The following VPS26C variants were observed in gnomAD, a reference collection of about 807,000 sequenced individuals.
VPS26C encodes vacuolar protein sorting-associated protein 26C.
Under a neutral mutation model 30.6 loss-of-function variants are expected in VPS26C, and 19 were observed. The observed-to-expected ratio is 0.62, with a 90% confidence interval of 0.43 to 0.91. The LOEUF is 0.91. Ranked by LOEUF, VPS26C falls within the 40% of genes least tolerant of loss-of-function variation. VPS26C has a pLI of 0.00. For synonymous variants in VPS26C, 132 were observed against 151.5 expected, an observed-to-expected ratio of 0.87 and a Z score of 0.95; for missense variants, 318 against 385.1, an observed-to-expected ratio of 0.83 and a Z score of 1.46.
chr21:37,237,960 A>G (rs940403574), intron 3 of VPS26C, among the ~76,000 whole-genome samples: 2 of 152,220 alleles, frequency 1.3e-5, no homozygotes, highest in South Asian at 2.1e-4. Context: ...TGAGACAACA[A>G]CAGCAGACTG....
At chr21:37,232,490 C>A in intron 4 of VPS26C, 39 bp from the exon 5 acceptor site, 1 of 1,536,312 alleles carries the variant, frequency 6.5e-7, no homozygotes. Context: ...TAGGTGAAGG[C>A]CAAGAGTTCT....
At chr21:37,243,183 G>T (rs2086104640) in intron 1 of VPS26C, among the ~76,000 whole-genome samples, 1 of 152,142 alleles carries the variant, frequency 6.6e-6, no homozygotes, top group Admixed American at 6.5e-5. Context: ...TTCTCCCTCA[G>T]ATTTTCGTCT....
chr21:37,227,877 C>T, intron 6 of VPS26C, 71 bp from the exon 7 acceptor site: 1 of 1,579,606 alleles, frequency 6.3e-7, no homozygotes. Context: ...GCACCGGCAC[C>T]ACCCACCAGT....
At chr21:37,250,664 G>C (rs1395736339) in intron 1 of VPS26C, among the ~76,000 whole-genome samples, 1 of 152,048 alleles carries the variant, frequency 6.6e-6, no homozygotes, top group African/African-American at 2.4e-5. Flanking sequence ...CACTTTGGGA[G>C]GCCGAGGTGG....
At chr21:37,247,709 C>T (rs2086151164) in intron 1 of VPS26C, among the ~76,000 whole-genome samples, 1 of 151,976 alleles carries the variant, frequency 6.6e-6, no homozygotes, top group Admixed American at 6.6e-5. Context: ...CAGAGAAGCA[C>T]CTAAAATGGC....
chr21:37,255,504 A>C (rs1204646346), intron 1 of VPS26C, among the ~76,000 whole-genome samples: 2 of 152,208 alleles, frequency 1.3e-5, no homozygotes, highest in African/African-American at 2.4e-5. Context: ...GAGCACACAC[A>C]GCAGGTGTAA....
rs530849707 is a variant in VPS26C at position 37,227,872 on chromosome 21, G to A, written c.659-66C>T. ...AGGCTGCGGGGTCCACATCCGCACC[G>A]GCACCACCCACCAGTCTGCTCCAAG... On this transcript the variant is annotated intron_variant, in intron 6 of 7. Transcript: ENST00000309117. 683 of 1,587,762 alleles carry A rather than the reference G, an allele frequency of 4.3e-4. 3 individuals carry two copies. In the African/African-American group the frequency reaches 6.2e-3, roughly 14 times the overall value.
chr21:37,226,459 C>T lies in VPS26C; in HGVS notation c.812-833G>A, dbSNP rs141871524. 1 of 152,340 alleles carries T rather than the reference C, an allele frequency of 6.6e-6. No individual in the cohort carries two copies. Among genetic ancestry groups the T allele is most frequent in the Non-Finnish European group, 1.5e-5 (1 of 68,136 alleles). 9.4% of individuals were successfully genotyped at this position (152,340 alleles called of 1,614,324 possible). A position where few individuals can be genotyped will look rare whatever the true frequency, so the allele number is the denominator to read the frequency against. ...CGGCCACCAGCAGTGGCCGGCCTGT[C>T]CTTCCTCACTTTATTGTCACTACAT... On this transcript the variant is annotated intron_variant, in intron 7 of 7. Transcript: ENST00000309117. This position sits in a 1 kb window ranked among gnomAD's most constrained non-coding sequence, Gnocchi z 4.1.
intron 3 of VPS26C, among the ~76,000 whole-genome samples, chr21:37,235,578 ACAAGAGTAAAG>A (rs1250650655): frequency 1.3e-5 from 2 of 152,240 alleles, no homozygotes; most frequent in Non-Finnish European, 2.9e-5. Flanking sequence ...TAGCACAGCT[ACAAGAGTAAAG>A]CAAGAGTAGA....
At chr21:37,267,209 C>CAAA in intron 1 of VPS26C, 29 bp downstream of exon 1, 2 of 1,025,896 alleles carry the variant, frequency 1.9e-6, no homozygotes, top group Non-Finnish European at 3.0e-6. Context: ...CCAACCCCAC[C>CAAA]TCCATCCCCA....
intron 1 of VPS26C, among the ~76,000 whole-genome samples, chr21:37,243,555 G>A (rs566846884): frequency 9.2e-5 from 14 of 152,270 alleles, no homozygotes; most frequent in Non-Finnish European, 1.5e-4. Flanking sequence ...GTGAGTAAAG[G>A]AAAGAGCTTT....
chr21:37,245,347 ATATGGGGCCCTCT>A (rs368174889), intron 1 of VPS26C, among the ~76,000 whole-genome samples: 17 of 152,302 alleles, frequency 1.1e-4, no homozygotes, highest in African/African-American at 4.1e-4. Flanking sequence ...GACGGCCCTC[ATATGGGGCCCTCT>A]GCTCCCTCGC....
chr21:37,243,544 G>C (rs1300077004), intron 1 of VPS26C, among the ~76,000 whole-genome samples: 1 of 152,102 alleles, frequency 6.6e-6, no homozygotes, highest in African/African-American at 2.4e-5. Flanking sequence ...CCCTCTTCAG[G>C]GTGAGTAAAG....
intron 1 of VPS26C, 67 bp downstream of exon 1, chr21:37,267,171 A>T: frequency 7.4e-7 from 1 of 1,345,966 alleles, no homozygotes; most frequent in Non-Finnish European, 1.0e-6. Flanking sequence ...GCGCAGAGCG[A>T]TGGAGACAGC....
chr21:37,267,496 C>T, upstream of VPS26C: 1 of 596,340 alleles, frequency 1.7e-6, no homozygotes, highest in South Asian at 2.0e-5. Flanking sequence ...CAAGAGCCGG[C>T]CTTAGTGCGG....
At chr21:37,243,991 A>G (rs1405817279) in intron 1 of VPS26C, among the ~76,000 whole-genome samples, 1 of 152,090 alleles carries the variant, frequency 6.6e-6, no homozygotes, top group Admixed American at 6.5e-5. Context: ...GCTTTGCTTT[A>G]GATGGACAGA....
At chr21:37,244,630 G>A (rs2086119030) in intron 1 of VPS26C, among the ~76,000 whole-genome samples, 1 of 152,170 alleles carries the variant, frequency 6.6e-6, no homozygotes, top group Non-Finnish European at 1.5e-5. Flanking sequence ...TTGGAACTCT[G>A]GATTTGAAAA....
chr21:37,265,328 C>G lies in VPS26C; in HGVS notation c.57+1910G>C, dbSNP rs182630968. Among the ~76,000 whole-genome samples, 84 of 152,268 alleles carry G rather than the reference C, an allele frequency of 5.5e-4. 2 individuals are homozygous for G. On this transcript the variant is annotated intron_variant, in intron 1 of 7. Transcript: ENST00000309117. ...GTTTTTAAAAAGAATACAAAGTAGA[C>G]CCATGTAGCTTTTAACTTCATTCAG...
chr21:37,266,313 T>C (rs1446464032), intron 1 of VPS26C, among the ~76,000 whole-genome samples: 1 of 152,224 alleles, frequency 6.6e-6, no homozygotes, highest in Non-Finnish European at 1.5e-5. Context: ...CCAAAAGTTT[T>C]AGCATCCATC....
Sources: allele counts gnomAD v4.1 joint callset (sites outside exome capture counted in the v4.1 genomes callset), GRCh38; gene constraint gnomAD v4.1.1; non-coding constraint Gnocchi (gnomAD v3.1); transcripts MANE v1.5; gene names NCBI Gene and HGNC (gene_info 2026-07-23, HGNC 2026-07-21).